Variants in PPP1R16B observed in about 807,000 individuals in gnomAD.
PPP1R16B encodes the protein protein phosphatase 1 regulatory inhibitor subunit 16B.
In PPP1R16B, 14 loss-of-function variants were observed where a neutral mutation model predicts 61.7. That is an observed-to-expected ratio of 0.23 (90% CI 0.15 to 0.35). The LOEUF (loss-of-function observed/expected upper bound fraction) is 0.35. Ranked by LOEUF, PPP1R16B falls within the 10% of genes least tolerant of loss-of-function variation. The pLI is 1.00. For missense variants in PPP1R16B, 547 were observed against 752.5 expected, an observed-to-expected ratio of 0.73 and a Z score of 3.19; for synonymous variants, 266 against 305.3, an observed-to-expected ratio of 0.87 and a Z score of 1.34.
chr20:38,836,319 A>T, intron 2 of PPP1R16B, 144 bp downstream of exon 2: 1 of 1,233,380 alleles, frequency 8.1e-7, no homozygotes, highest in Non-Finnish European at 1.1e-6. Flanking sequence ...TCCTCTTAGG[A>T]AGTGGACGTT....
At chr20:38,823,181 C>T (rs2084783429) in intron 1 of PPP1R16B, among the ~76,000 whole-genome samples, 1 of 152,190 alleles carries the variant, frequency 6.6e-6, no homozygotes, top group African/African-American at 2.4e-5. Flanking sequence ...AGATCCAGTA[C>T]TGAGACTTCA....
rs2085613040 is a variant in PPP1R16B at position 38,922,978 on chromosome 20, G to A, written c.*4312G>A. The A allele has an allele frequency of 2.0e-5, 3 of 152,192 alleles. No homozygotes were observed. In the South Asian group the frequency reaches 6.2e-4, roughly 32 times the overall value. The allele number at this position is 152,192 out of a possible 1,614,324, so 9.4% of individuals were successfully genotyped here. On this transcript the variant is annotated 3_prime_UTR_variant, in exon 11 of 11. Coordinates refer to ENST00000299824, the MANE Select transcript of PPP1R16B (RefSeq NM_015568.4). ...GCTGCCAAGGCCTGTGACAGAATTC[G>A]CTGTTAAGAGTTTTTAATTAAAATT...
chr20:38,856,625 C>T lies in PPP1R16B; in HGVS notation c.250+20450C>T, dbSNP rs116249069. On this transcript the variant is annotated intron_variant, in intron 2 of 10. Coordinates refer to ENST00000299824, the MANE Select transcript of PPP1R16B (RefSeq NM_015568.4). ...CAATTTCCCCATCATCACCTTCATC[C>T]TTCTCTCAACCAGATTTTTATTGGA... Among the ~76,000 whole-genome samples, 1,351 of 152,290 alleles carry T rather than the reference C, an allele frequency of 8.9e-3. 23 individuals are homozygous for T. The highest frequency in any genetic ancestry group is 0.031 in the African/African-American group (1,293 of 41,546).
chr20:38,828,761 T>C (rs2084819096), intron 1 of PPP1R16B, among the ~76,000 whole-genome samples: 1 of 152,240 alleles, frequency 6.6e-6, no homozygotes, highest in Admixed American at 6.5e-5. Flanking sequence ...GCTGACAGGC[T>C]CTGGCCCATC....
intron 6 of PPP1R16B, among the ~76,000 whole-genome samples, chr20:38,903,532 A>ACCAT (rs375386185): frequency 0.048 from 6,872 of 144,658 alleles, 194 homozygotes; most frequent in Non-Finnish European, 0.059. Context: ...GGTCCATCCA[A>ACCAT]CCATCCATCC....
intron 2 of PPP1R16B, among the ~76,000 whole-genome samples, chr20:38,884,034 G>GTGTGGGCAAGAAGCTGCCCTGAT (rs1483723554): frequency 7.9e-5 from 12 of 152,214 alleles, no homozygotes; most frequent in African/African-American, 2.7e-4. Flanking sequence ...GCTGCCCTGA[G>GTGTGGGCAAGAAGCTGCCCTGAT]TGTGGGCAAC....
At chr20:38,822,479 T>C (rs1054885794) in intron 1 of PPP1R16B, among the ~76,000 whole-genome samples, 7 of 151,958 alleles carry the variant, frequency 4.6e-5, no homozygotes, top group African/African-American at 1.7e-4. Context: ...TTGCTTGTAG[T>C]TGAACACATT....
intron 2 of PPP1R16B, among the ~76,000 whole-genome samples, chr20:38,847,435 C>A (rs1204822400): frequency 6.6e-6 from 1 of 152,192 alleles, no homozygotes; most frequent in African/African-American, 2.4e-5. Flanking sequence ...TGGCTCACTG[C>A]AACCTCCGCC....
intron 2 of PPP1R16B, among the ~76,000 whole-genome samples, chr20:38,856,780 G>C (rs549590765): frequency 1.1e-4 from 17 of 152,352 alleles, no homozygotes; most frequent in Admixed American, 5.2e-4. Flanking sequence ...GGCTTAAAAA[G>C]TCTAACAACT....
intron 2 of PPP1R16B, 130 bp downstream of exon 2, chr20:38,836,305 C>T: frequency 7.5e-7 from 1 of 1,340,154 alleles, no homozygotes; most frequent in Non-Finnish European, 1.0e-6. Flanking sequence ...TCCAGCAGCC[C>T]CATTCCTCTT....
intron 2 of PPP1R16B, among the ~76,000 whole-genome samples, chr20:38,870,152 GACCTCAAGTGATTC>G (rs1419147376): frequency 6.6e-6 from 1 of 151,978 alleles, no homozygotes; most frequent in Middle Eastern, 3.2e-3. Context: ...TTGAATTCCT[GACCTCAAGTGATTC>G]ACCTCAAGTG....
In PPP1R16B at chr20:38,862,629, C is replaced by A. The variant is rs144685223; in HGVS notation, c.250+26454C>A. 9.4e-3 allele frequency among the ~76,000 whole-genome samples: 1,426 copies of A among 152,320 alleles called. 6 individuals carry two copies. Among genetic ancestry groups the A allele is most frequent in the Non-Finnish European group, 0.015 (996 of 68,038 alleles). On this transcript the variant is annotated intron_variant, in intron 2 of 10. Transcript: ENST00000299824. Reference sequence around the variant, plus strand: ...TCCTGACGTAATGGATGGGCCTCATCATCCCGAGAAACCCAGAGTCAGAGT... The same window carrying A: ...TCCTGACGTAATGGATGGGCCTCATAATCCCGAGAAACCCAGAGTCAGAGT...
intron 5 of PPP1R16B, among the ~76,000 whole-genome samples, chr20:38,902,223 T>C (rs576553182): frequency 6.6e-6 from 1 of 152,342 alleles, no homozygotes; most frequent in Non-Finnish European, 1.5e-5. Flanking sequence ...CTAAAATTGA[T>C]TGAGCGTTGT....
chr20:38,823,669 A>G (rs1209469519), intron 1 of PPP1R16B, among the ~76,000 whole-genome samples: 1 of 152,004 alleles, frequency 6.6e-6, no homozygotes, highest in African/African-American at 2.4e-5. Flanking sequence ...AATCCAAAAA[A>G]CACACAAAAA....
intron 10 of PPP1R16B, among the ~76,000 whole-genome samples, chr20:38,914,444 G>A (rs567425418): frequency 6.6e-6 from 1 of 152,216 alleles, no homozygotes; most frequent in Admixed American, 6.5e-5. Context: ...CAAGATGATG[G>A]TGCCTACCAC....
intron 10 of PPP1R16B, among the ~76,000 whole-genome samples, chr20:38,914,591 A>G (rs1312815554): frequency 6.6e-6 from 1 of 152,200 alleles, no homozygotes; most frequent in African/African-American, 2.4e-5. Context: ...TCTAACCCAC[A>G]TCCTTCAGGC....
chr20:38,918,942 G>T lies in PPP1R16B; in HGVS notation c.*276G>T. 1 of 387,690 alleles carries T rather than the reference G, an allele frequency of 2.6e-6. No individual in the cohort carries two copies. The highest frequency in any genetic ancestry group is 4.6e-6 in the Non-Finnish European group (1 of 216,932). The allele number at this position is 387,690 out of a possible 1,614,324, so 24.0% of individuals were successfully genotyped here. On this transcript the variant is annotated 3_prime_UTR_variant, in exon 11 of 11. Transcript: ENST00000299824. The surrounding 1 kb of genome is among the most constrained non-coding windows in gnomAD (Gnocchi z 5.3). ...TCTGATCTTGGGAGGGTGGGCTTGAGATCCCAGCTCTATTCTTGGTATAAA... is the reference window on the plus strand; with the variant it reads ...TCTGATCTTGGGAGGGTGGGCTTGATATCCCAGCTCTATTCTTGGTATAAA...
chr20:38,835,184 C>T (rs2084861663), intron 1 of PPP1R16B, among the ~76,000 whole-genome samples: 1 of 152,204 alleles, frequency 6.6e-6, no homozygotes, highest in African/African-American at 2.4e-5. Context: ...TCTTTCTTGT[C>T]CTGTCTGTCC....
At chr20:38,812,138 A>G (rs1339227473) in intron 1 of PPP1R16B, among the ~76,000 whole-genome samples, 1 of 152,202 alleles carries the variant, frequency 6.6e-6, no homozygotes, top group African/African-American at 2.4e-5. Context: ...CAGGCCAAAG[A>G]CATTCAGACC....
Sources: gnomAD v4.1 joint callset for allele counts (sites outside exome capture counted in the v4.1 genomes callset) on GRCh38, gnomAD v4.1.1 for gene constraint, Gnocchi (gnomAD v3.1) non-coding constraint, MANE v1.5 for transcripts, NCBI Gene and HGNC (gene_info 2026-07-23, HGNC 2026-07-21) for gene names.